GNG7: variants seen among roughly 807,000 people sequenced by gnomAD.
The protein encoded by GNG7 is G protein subunit gamma 7, also known as guanine nucleotide-binding protein G(I)/G(S)/G(O) subunit gamma-7.
GNG7 carries 1 observed loss-of-function variant against 4.0 expected under a neutral mutation model. The observed-to-expected ratio is 0.25, with a 90% CI of 0.09 to 1.18. GNG7 has a LOEUF of 1.18. Among genes scored for constraint, GNG7 ranks in the 50% most tolerant of loss-of-function variants. The pLI, the probability that GNG7 is intolerant of heterozygous loss-of-function variation, is 0.50. For synonymous variants in GNG7, 34 were observed against 36.9 expected (o/e 0.92, Z 0.29); for missense variants, 86 against 91.9 (o/e 0.94, Z 0.26).
At chr19:2,575,406 C>T (rs959615751) in intron 2 of GNG7, among the ~76,000 whole-genome samples, 3 of 152,236 alleles carry the variant, frequency 2.0e-5, no homozygotes, top group African/African-American at 7.2e-5. Flanking sequence ...TGGGATTGAT[C>T]TGGAAAGCTC....
intron 2 of GNG7, among the ~76,000 whole-genome samples, chr19:2,637,586 C>T (rs976538855): frequency 6.6e-6 from 1 of 152,186 alleles, no homozygotes; most frequent in Non-Finnish European, 1.5e-5. Flanking sequence ...AGCCCGCATC[C>T]CACGCCACCC....
chr19:2,697,095 C>A (rs188980889), intron 1 of GNG7, among the ~76,000 whole-genome samples: 1 of 152,284 alleles, frequency 6.6e-6, no homozygotes, highest in African/African-American at 2.4e-5. Flanking sequence ...CCTGCTTCGG[C>A]CTCCCAAAAT....
intron 2 of GNG7, among the ~76,000 whole-genome samples, chr19:2,570,500 C>T (rs575379610): frequency 6.6e-6 from 1 of 152,256 alleles, no homozygotes; most frequent in East Asian, 1.9e-4. Context: ...GGGGAAGTGG[C>T]ATCTGCAAAC....
intron 3 of GNG7, among the ~76,000 whole-genome samples, chr19:2,532,171 A>AG (rs1978617133): frequency 6.6e-6 from 1 of 151,950 alleles, no homozygotes; most frequent in African/African-American, 2.4e-5. Context: ...ACAAAAAAAA[A>AG]AACAAAAACC....
intron 2 of GNG7, among the ~76,000 whole-genome samples, chr19:2,558,485 T>A (rs557423694): frequency 6.6e-6 from 1 of 152,164 alleles, no homozygotes; most frequent in East Asian, 1.9e-4. Context: ...CCTCCCACCT[T>A]GGCCTCCTAA....
chr19:2,572,250 C>T (rs1980170395), intron 2 of GNG7, among the ~76,000 whole-genome samples: 1 of 152,016 alleles, frequency 6.6e-6, no homozygotes, highest in African/African-American at 2.4e-5. Flanking sequence ...AACTCCTGGG[C>T]TCAAGCAATC....
intron 2 of GNG7, among the ~76,000 whole-genome samples, chr19:2,599,372 A>G (rs549354152): frequency 6.6e-6 from 1 of 152,228 alleles, no homozygotes; most frequent in South Asian, 2.1e-4. Context: ...GATGAATCCA[A>G]ATAAACCCAG....
At chr19:2,645,853 G>A (rs563887746) in intron 2 of GNG7, among the ~76,000 whole-genome samples, 21 of 152,288 alleles carry the variant, frequency 1.4e-4, no homozygotes, top group South Asian at 2.1e-4. Context: ...GGCCAGCGAC[G>A]GGTCACTCTC....
Position 2,661,302 on chromosome 19 carries a change from G to GAAAGAAAGAAAGAAAGAAAGAA in GNG7, c.-134-15023_-134-15022insTTCTTTCTTTCTTTCTTTCTTT. Among the ~76,000 whole-genome samples the GAAAGAAAGAAAGAAAGAAAGAA allele has an allele frequency of 4.0e-4, 29 of 73,122 alleles. 1 individual carries two copies. The highest frequency in any genetic ancestry group is 2.1e-3 in the East Asian group (5 of 2,394). 48.0% of individuals were successfully genotyped at this position (73,122 alleles called of 152,430 possible). On this transcript the variant is annotated intron_variant, in intron 1 of 4. Coordinates refer to ENST00000382159, the MANE Select transcript of GNG7 (RefSeq NM_052847.3). ...AGAAAGAAAGAAAGAAAGAAAGAAA[G>GAAAGAAAGAAAGAAAGAAAGAA]AGAAAGAAAGAAAGAAAGAAAGAAA...
Position 2,546,331 on chromosome 19 carries a change from G to T in GNG7, c.-38+8818C>A, listed in dbSNP as rs550899211. On this transcript the variant is annotated intron_variant, in intron 3 of 4. Coordinates refer to ENST00000382159, the MANE Select transcript of GNG7 (RefSeq NM_052847.3). This position sits in a 1 kb window ranked among gnomAD's most constrained non-coding sequence, Gnocchi z 6.3. ...CCTGCAGCCTCTCCAGGGCCAGGTCGCCCAGCAGGGCCTGGGAGGGCGGCT... is the reference window on the plus strand; with the variant it reads ...CCTGCAGCCTCTCCAGGGCCAGGTCTCCCAGCAGGGCCTGGGAGGGCGGCT... Among the ~76,000 whole-genome samples, 7 of 152,230 alleles carry T rather than the reference G, an allele frequency of 4.6e-5. No homozygotes were observed. The highest frequency in any genetic ancestry group is 1.0e-4 in the Non-Finnish European group (7 of 68,034).
chr19:2,577,318 T>C (rs1980372321), intron 2 of GNG7, among the ~76,000 whole-genome samples: 1 of 152,202 alleles, frequency 6.6e-6, no homozygotes, highest in Non-Finnish European at 1.5e-5. Flanking sequence ...GGGAAGGCTC[T>C]TCATCCAGCA....
chr19:2,629,672 G>A (rs1309401746), intron 2 of GNG7, among the ~76,000 whole-genome samples: 1 of 152,206 alleles, frequency 6.6e-6, no homozygotes, highest in African/African-American at 2.4e-5. Context: ...GGGGCACACG[G>A]TGATTGGAAC....
At chr19:2,523,458 T>C (rs1048146127) in intron 3 of GNG7, among the ~76,000 whole-genome samples, 3 of 151,696 alleles carry the variant, frequency 2.0e-5, no homozygotes, top group Non-Finnish European at 2.9e-5. Flanking sequence ...GAGGCTGAGG[T>C]GGGAGGATCA....
chr19:2,572,338 G>C (rs1980172966), intron 2 of GNG7, among the ~76,000 whole-genome samples: 1 of 152,086 alleles, frequency 6.6e-6, no homozygotes, highest in African/African-American at 2.4e-5. Flanking sequence ...GTTTTTTGTA[G>C]AGACGGGTTT....
chr19:2,699,046 T>G (rs1029071731), intron 1 of GNG7, among the ~76,000 whole-genome samples: 1 of 152,170 alleles, frequency 6.6e-6, no homozygotes, highest in African/African-American at 2.4e-5. Flanking sequence ...TTGCAAACAT[T>G]GTCATCTTCC....
chr19:2,603,311 C>T (rs1049057323), intron 2 of GNG7, among the ~76,000 whole-genome samples: 7 of 152,184 alleles, frequency 4.6e-5, no homozygotes, highest in Admixed American at 3.3e-4. Context: ...GTGATCCACC[C>T]GCCTCGGCCT....
At position 2,670,555 on chromosome 19, in the gene GNG7, C is replaced by G. The variant is rs1045292748; in HGVS notation, c.-134-24275G>C. Among the ~76,000 whole-genome samples the G allele has an allele frequency of 3.9e-5, 6 of 152,228 alleles. 1 individual carries two copies. The highest frequency in any genetic ancestry group is 6.3e-3 in the Middle Eastern group (2 of 316). ...TGTTTTCCCAGACCCTGAGCTGCCTCGGGCATGGCTGTGTGACGGGTGTGG... is the reference window on the plus strand; with the variant it reads ...TGTTTTCCCAGACCCTGAGCTGCCTGGGGCATGGCTGTGTGACGGGTGTGG... On this transcript the variant is annotated intron_variant, in intron 1 of 4. Transcript: ENST00000382159.
At chr19:2,584,970 G>A (rs1387735782) in intron 2 of GNG7, among the ~76,000 whole-genome samples, 11 of 70,844 alleles carry the variant, frequency 1.6e-4, no homozygotes, top group Admixed American at 4.5e-4. Flanking sequence ...GAAGGAAGGA[G>A]GGAGGGAGGG....
chr19:2,615,496 T>C (rs1196427583), intron 2 of GNG7, among the ~76,000 whole-genome samples: 3 of 138,700 alleles, frequency 2.2e-5, no homozygotes, highest in African/African-American at 7.9e-5. Flanking sequence ...AGGGTCTTGC[T>C]CTGTTGCCCA....
Sources: gnomAD v4.1 joint callset for allele counts (sites outside exome capture counted in the v4.1 genomes callset) on GRCh38, gnomAD v4.1.1 for gene constraint, Gnocchi (gnomAD v3.1) non-coding constraint, MANE v1.5 for transcripts, NCBI Gene and HGNC (gene_info 2026-07-23, HGNC 2026-07-21) for gene names.